CASC3: variants seen among roughly 807,000 people sequenced by gnomAD.
The protein encoded by CASC3 is CASC3 exon junction complex subunit, also known as protein CASC3.
A neutral mutation model predicts 80.5 loss-of-function variants in CASC3; 30 were observed. That is an observed-to-expected ratio of 0.37 (90% CI 0.28 to 0.51). CASC3 has a LOEUF of 0.51. Among genes scored for constraint, CASC3 ranks in the 20% least tolerant of loss-of-function variants. The probability of loss-of-function intolerance (pLI) is 0.94; values close to 1 mark genes in which losing one functional copy is unlikely to be tolerated. For synonymous variants in CASC3, 312 were observed against 333.6 expected (o/e 0.94, Z 0.70); for missense variants, 824 against 922.2 (o/e 0.89, Z 1.38).
chr17:40,163,067 GAAA>G (rs1192497993), intron 6 of CASC3, among the ~76,000 whole-genome samples, 166 bp downstream of exon 6: 1 of 146,990 alleles, frequency 6.8e-6, no homozygotes, highest in Non-Finnish European at 1.5e-5. Flanking sequence ...AAAAAAAAAA[GAAA>G]AAAAGGAAAA....
chr17:40,163,950 A>C lies in CASC3; in HGVS notation c.1255A>C (p.Lys419Gln), dbSNP rs1201300759. ...TCGAACCAAAGTTGGAGATGCAGTCAAGCTTGCAGAGGAGGTGCCCCCTCC... is the reference window on the plus strand; with the variant it reads ...TCGAACCAAAGTTGGAGATGCAGTCCAGCTTGCAGAGGAGGTGCCCCCTCC... ...RTRTKVGDAV[K>Q]LAEEVPPPPE... The change falls in exon 7 of 14, where the codon AAG becomes CAG. Residue 419 changes from lysine (K) to glutamine (Q), a missense_variant. This residue lies in a region of CASC3 where 464 missense variants were observed against 506.0 expected (regional missense o/e 0.92). Coordinates refer to ENST00000264645, the MANE Select transcript of CASC3 (RefSeq NM_007359.5). 2.5e-6 allele frequency: 4 copies of C among 1,613,990 alleles called. No individual in the cohort carries two copies. The highest frequency in any genetic ancestry group is 3.4e-6 in the Non-Finnish European group (4 of 1,180,028).
chr17:40,152,327 TA>T (rs1457507454), intron 3 of CASC3, among the ~76,000 whole-genome samples: 1 of 152,160 alleles, frequency 6.6e-6, no homozygotes, highest in Non-Finnish European at 1.5e-5. Context: ...TTTTTATTTT[TA>T]TTTTTTTTTT....
intron 3 of CASC3, among the ~76,000 whole-genome samples, chr17:40,142,311 G>C (rs1988738782): frequency 6.6e-6 from 1 of 152,242 alleles, no homozygotes; most frequent in African/African-American, 2.4e-5. Flanking sequence ...CAATAAGGAA[G>C]TCAGACAAAC....
At chr17:40,165,955 C>CG (rs113678517) in intron 7 of CASC3, among the ~76,000 whole-genome samples, 5,946 of 151,230 alleles carry the variant, frequency 0.039, 398 homozygotes, top group African/African-American at 0.14. Flanking sequence ...TTTGAAAAGA[C>CG]GGGGGGTCTC....
chr17:40,157,529 G>C (rs2145169511), intron 3 of CASC3, among the ~76,000 whole-genome samples: 1 of 152,064 alleles, frequency 6.6e-6, no homozygotes, highest in East Asian at 1.9e-4. Flanking sequence ...TACGAAAATA[G>C]CTGGGAGTGG....
chr17:40,161,450 G>C (rs941266366), intron 3 of CASC3, among the ~76,000 whole-genome samples: 1 of 152,194 alleles, frequency 6.6e-6, no homozygotes, highest in Non-Finnish European at 1.5e-5. Flanking sequence ...GGCGGCCAAG[G>C]CAGGCAGATC....
chr17:40,146,481 A>G (rs1327155380), intron 3 of CASC3, among the ~76,000 whole-genome samples: 1 of 139,484 alleles, frequency 7.2e-6, no homozygotes, highest in African/African-American at 2.7e-5. Context: ...ACTCTGTCTC[A>G]CTCTGTCTGC....
Position 40,170,838 on chromosome 17 carries a change from T to G in CASC3, c.*433T>G. On this transcript the variant is annotated 3_prime_UTR_variant, in exon 14 of 14. Transcript: ENST00000264645. ...TTCTTATCCTTAATATTATTTTAAT[T>G]TTTTCTCTTTGTTTCTGTTTCTTGC... The G allele has an allele frequency of 1.0e-6, 1 of 984,882 alleles. No homozygotes were observed. The highest frequency in any genetic ancestry group is 4.7e-5 in the South Asian group (1 of 21,272). 61.0% of individuals were successfully genotyped at this position (984,882 alleles called of 1,614,324 possible). A position where few individuals can be genotyped will look rare whatever the true frequency, so the allele number is the denominator to read the frequency against.
At chr17:40,142,299 C>T (rs1988738298) in intron 3 of CASC3, among the ~76,000 whole-genome samples, 1 of 152,212 alleles carries the variant, frequency 6.6e-6, no homozygotes, top group Non-Finnish European at 1.5e-5. Context: ...GATCTTACAA[C>T]TCAATAAGGA....
intron 3 of CASC3, among the ~76,000 whole-genome samples, chr17:40,157,289 G>A (rs1053828960): frequency 2.6e-5 from 4 of 152,130 alleles, no homozygotes; most frequent in Admixed American, 1.3e-4. Context: ...AGTTTGCAGT[G>A]AGCTGAGATT....
At position 40,161,787 on chromosome 17, in the gene CASC3, C is replaced by A; in HGVS notation, c.332C>A (p.Ser111Tyr). 1.2e-6 allele frequency: 2 copies of A among 1,614,068 alleles called. No homozygotes were observed. Among genetic ancestry groups the A allele is most frequent in the African/African-American group, 2.7e-5 (2 of 75,010 alleles). Residue 111 changes from serine (S) to tyrosine (Y), a missense_variant, in exon 4 of 14, where the codon TCC (serine) becomes TAC (tyrosine). Transcript: ENST00000264645. ...GGTGAATACAGTGAAGAGGAAAACT[C>A]CAAAGTGGAGCTGAAATCAGAAGCT... ...EEGEYSEEEN[S>Y]KVELKSEAND...
chr17:40,149,479 T>A (rs2145158380), intron 3 of CASC3, among the ~76,000 whole-genome samples: 1 of 152,034 alleles, frequency 6.6e-6, no homozygotes, highest in Non-Finnish European at 1.5e-5. Context: ...GAGGTAGCTT[T>A]GAGATCAAGA....
intron 3 of CASC3, among the ~76,000 whole-genome samples, chr17:40,147,222 C>G (rs1011043818): frequency 6.6e-6 from 1 of 152,152 alleles, no homozygotes; most frequent in Non-Finnish European, 1.5e-5. Flanking sequence ...GTCCAAGGAG[C>G]ATGACGATGG....
At chr17:40,152,418 T>C (rs139677591) in intron 3 of CASC3, among the ~76,000 whole-genome samples, 1 of 151,834 alleles carries the variant, frequency 6.6e-6, no homozygotes, top group East Asian at 1.9e-4. Flanking sequence ...GCCTCCTGGG[T>C]TCAAGCGGTT....
At chr17:40,169,174 T>C (rs1989527858) in intron 11 of CASC3, 150 bp from the exon 12 acceptor site, 1 of 801,748 alleles carries the variant, frequency 1.2e-6, no homozygotes, top group Non-Finnish European at 1.9e-6. Context: ...CAAAAATGAA[T>C]AGTCACTTTA....
At chr17:40,163,189 C>T (rs906011814) in intron 6 of CASC3, among the ~76,000 whole-genome samples, 2 of 152,060 alleles carry the variant, frequency 1.3e-5, no homozygotes, top group Non-Finnish European at 2.9e-5. Flanking sequence ...GGCTGGAGTG[C>T]AATGGCATGT....
At position 40,159,672 on chromosome 17, in the gene CASC3, G is replaced by A. The variant is rs144380428; in HGVS notation, c.298-2081G>A. On this transcript the variant is annotated intron_variant, in intron 3 of 13. Transcript: ENST00000264645. ...ATGATCTCACACCTCAGCCTCCCAA[G>A]TTGCTGGGACTATAGGCGCACACCA... Among the ~76,000 whole-genome samples the A allele has an allele frequency of 6.5e-3, 918 of 142,224 alleles. 6 individuals are homozygous for A. Among genetic ancestry groups the A allele is most frequent in the Middle Eastern group, 0.016 (4 of 254 alleles). 93.3% of individuals were successfully genotyped at this position (142,224 alleles called of 152,430 possible). A position where few individuals can be genotyped will look rare whatever the true frequency, so the allele number is the denominator to read the frequency against.
intron 3 of CASC3, among the ~76,000 whole-genome samples, chr17:40,150,415 CGTGTGTGTGT>C (rs10545573): frequency 1.3e-5 from 2 of 148,936 alleles, no homozygotes; most frequent in African/African-American, 4.9e-5. Flanking sequence ...AGAGTGTGTG[CGTGTGTGTGT>C]GTGTGTGTGT....
At chr17:40,141,926 A>C (rs1342566257) in intron 3 of CASC3, among the ~76,000 whole-genome samples, 1 of 152,230 alleles carries the variant, frequency 6.6e-6, no homozygotes, top group Non-Finnish European at 1.5e-5. Context: ...TATGCAGTGT[A>C]GGTTGAGAAG....
Sources: gnomAD v4.1 joint callset for allele counts (sites outside exome capture counted in the v4.1 genomes callset) on GRCh38, gnomAD v4.1.1 for gene constraint, gnomAD v4.1.1 regional missense constraint, MANE v1.5 for transcripts, NCBI Gene and HGNC (gene_info 2026-07-23, HGNC 2026-07-21) for gene names.